ARHGAP10: variants seen among roughly 807,000 people sequenced by gnomAD.
ARHGAP10 encodes rho GTPase-activating protein 10.
In ARHGAP10, 87 loss-of-function variants were observed where a neutral mutation model predicts 108.6. That is an observed-to-expected ratio of 0.80 (90% CI 0.67 to 0.96). The LOEUF is 0.96. ARHGAP10 is among the 40% of genes least tolerant of loss of function. The pLI, the probability that ARHGAP10 is intolerant of heterozygous loss-of-function variation, is 0.00. For missense variants in ARHGAP10, 939 were observed against 954.5 expected (o/e 0.98, Z 0.21); for synonymous variants, 347 against 341.1 (o/e 1.02, Z -0.19).
intron 1 of ARHGAP10, among the ~76,000 whole-genome samples, chr4:147,742,960 G>C (rs1047751486): frequency 5.4e-5 from 8 of 147,298 alleles, no homozygotes; most frequent in Non-Finnish European, 1.2e-4. Flanking sequence ...GGAATACAGT[G>C]TCCTTGACAT....
At chr4:147,746,078 G>A (rs1455366333) in intron 1 of ARHGAP10, among the ~76,000 whole-genome samples, 1 of 151,772 alleles carries the variant, frequency 6.6e-6, no homozygotes, top group Non-Finnish European at 1.5e-5. Context: ...GTGAGGCACC[G>A]TGCCCTGCCA....
intron 12 of ARHGAP10, among the ~76,000 whole-genome samples, chr4:147,912,575 ATATATATATATATATATATATAT>A (rs1736796631): frequency 1.5e-5 from 2 of 137,516 alleles, no homozygotes; most frequent in African/African-American, 5.6e-5. Context: ...ATATATATAT[ATATATATATATATATATATATAT>A]AAAATTCCTG....
intron 10 of ARHGAP10, among the ~76,000 whole-genome samples, chr4:147,889,311 T>A (rs1735696823): frequency 6.6e-6 from 1 of 152,228 alleles, no homozygotes; most frequent in Non-Finnish European, 1.5e-5. Flanking sequence ...TACCTTCTTT[T>A]TTTTTGAGAT....
chr4:147,732,519 G>T, intron 1 of ARHGAP10, 64 bp downstream of exon 1: 1 of 1,592,480 alleles, frequency 6.3e-7, no homozygotes, highest in African/African-American at 1.4e-5. Flanking sequence ...AGCCTCTCTC[G>T]GCAGGAGACG....
intron 13 of ARHGAP10, among the ~76,000 whole-genome samples, chr4:147,920,085 G>C (rs574787249): frequency 6.6e-6 from 1 of 151,882 alleles, no homozygotes; most frequent in Middle Eastern, 3.4e-3. Flanking sequence ...ATAGTGTCCT[G>C]CTTCATGGGG....
intron 7 of ARHGAP10, among the ~76,000 whole-genome samples, chr4:147,871,839 G>A (rs1252107759): frequency 6.6e-6 from 1 of 151,984 alleles, no homozygotes. Flanking sequence ...GGTGGCTCAC[G>A]CCTATAATCC....
rs762489163 is a variant in ARHGAP10 at position 147,881,813 on chromosome 4, G to A, written c.940-25G>A. The A allele has an allele frequency of 7.5e-6, 12 of 1,608,336 alleles. No individual in the cohort carries two copies. In the South Asian group the frequency reaches 1.3e-4, roughly 18 times the overall value. On this transcript the variant is annotated intron_variant, in intron 9 of 22. Transcript: ENST00000336498. ...TATATACTTATCCTGTAGGTTTTGA[G>A]AATGTTCAAAATGATTATTTGCAGG...
At chr4:147,851,002 A>T (rs1382172585) in intron 4 of ARHGAP10, among the ~76,000 whole-genome samples, 1 of 152,186 alleles carries the variant, frequency 6.6e-6, no homozygotes, top group Non-Finnish European at 1.5e-5. Context: ...TTTTTTGGAC[A>T]TTTGACCAAG....
rs183772246 is a variant in ARHGAP10, at chr4:147,966,235, A to G, written c.1557-445A>G. On this transcript the variant is annotated intron_variant, in intron 17 of 22. Transcript: ENST00000336498. Reference sequence around the variant, plus strand: ...CTTTTGGGGGAAGCAAGATTAGCACATACAGTTGGCTCTTTGTGAGTCCTG... The same window carrying G: ...CTTTTGGGGGAAGCAAGATTAGCACGTACAGTTGGCTCTTTGTGAGTCCTG... 2.6e-3 allele frequency among the ~76,000 whole-genome samples: 402 copies of G among 152,374 alleles called. 2 individuals are homozygous for G. The highest frequency in any genetic ancestry group is 9.2e-3 in the African/African-American group (383 of 41,600).
At chr4:147,769,346 C>CT (rs1729976234) in intron 1 of ARHGAP10, among the ~76,000 whole-genome samples, 1 of 152,178 alleles carries the variant, frequency 6.6e-6, no homozygotes, top group Non-Finnish European at 1.5e-5. Context: ...CCATCCATAA[C>CT]TCAAGATGAT....
rs1730222101 is a variant in ARHGAP10 at position 148,072,382 on chromosome 4, C to T, written c.*301C>T. On this transcript the variant is annotated 3_prime_UTR_variant, in exon 23 of 23. Transcript: ENST00000336498. ...GCATATAGAATGAGAGGGAGGGCAG[C>T]CTTCTGCCACCTGTGTCGCCTCCAC... The T allele has an allele frequency of 3.1e-6, 1 of 322,208 alleles. No homozygotes were observed. Among genetic ancestry groups the T allele is most frequent in the Non-Finnish European group, 5.7e-6 (1 of 176,718 alleles). The allele number at this position is 322,208 out of a possible 1,614,324, so 20.0% of individuals were successfully genotyped here.
chr4:147,817,217 G>A (rs186139555), intron 1 of ARHGAP10, among the ~76,000 whole-genome samples: 8 of 152,034 alleles, frequency 5.3e-5, no homozygotes, highest in African/African-American at 1.7e-4. Flanking sequence ...TAGTGCTTTC[G>A]TTGCTGGGGT....
At chr4:147,966,985 C>T in intron 18 of ARHGAP10, 146 bp downstream of exon 18, 1 of 672,064 alleles carries the variant, frequency 1.5e-6, no homozygotes, top group Non-Finnish European at 2.2e-6. Flanking sequence ...CTAAGAAGTT[C>T]TCATTGAGCT....
At chr4:147,795,422 A>AT (rs1731277792) in intron 1 of ARHGAP10, among the ~76,000 whole-genome samples, 1 of 151,508 alleles carries the variant, frequency 6.6e-6, no homozygotes, top group East Asian at 1.9e-4. Flanking sequence ...CAAAAATTAT[A>AT]TTTTTTCCTT....
chr4:147,808,310 G>A (rs1171060812), intron 1 of ARHGAP10, among the ~76,000 whole-genome samples: 2 of 151,828 alleles, frequency 1.3e-5, no homozygotes, highest in Non-Finnish European at 2.9e-5. Flanking sequence ...CTGCAAGGAA[G>A]GAAAAAACTT....
At chr4:147,942,474 G>C (rs2126965144) in intron 14 of ARHGAP10, among the ~76,000 whole-genome samples, 1 of 152,198 alleles carries the variant, frequency 6.6e-6, no homozygotes, top group Non-Finnish European at 1.5e-5. Flanking sequence ...AAGGGTATAT[G>C]CTTAATCTCT....
intron 10 of ARHGAP10, among the ~76,000 whole-genome samples, chr4:147,893,454 CTCTA>C (rs200798111): frequency 0.017 from 2,526 of 146,800 alleles, 42 homozygotes; most frequent in South Asian, 0.084. Context: ...TTATTATTCT[CTCTA>C]TATATAATAC....
At chr4:147,959,174 G>A (rs1431443455) in intron 16 of ARHGAP10, among the ~76,000 whole-genome samples, 1 of 151,840 alleles carries the variant, frequency 6.6e-6, no homozygotes, top group Non-Finnish European at 1.5e-5. Flanking sequence ...AGAAAGCTCT[G>A]ATGATTAATG....
At chr4:147,883,128 C>T (rs993954900) in intron 10 of ARHGAP10, among the ~76,000 whole-genome samples, 2 of 152,100 alleles carry the variant, frequency 1.3e-5, no homozygotes, top group East Asian at 3.8e-4. Context: ...ATTTATTGTA[C>T]ATAAAAACAG....
Sources: gnomAD v4.1 joint callset for allele counts (sites outside exome capture counted in the v4.1 genomes callset) on GRCh38, gnomAD v4.1.1 for gene constraint, MANE v1.5 for transcripts, NCBI Gene and HGNC (gene_info 2026-07-23, HGNC 2026-07-21) for gene names.